The following REV3L variants were observed in gnomAD, a reference collection of about 807,000 sequenced individuals.
The protein encoded by REV3L is REV3 like, DNA directed polymerase zeta catalytic subunit.
Under a neutral mutation model 299.4 loss-of-function variants are expected in REV3L, and 69 were observed. The ratio of observed to expected loss-of-function variants is 0.23; its 90% CI spans 0.19 to 0.28. REV3L has a LOEUF of 0.28. Among genes scored for constraint, REV3L ranks in the 10% least tolerant of loss-of-function variants. The pLI is 1.00. For synonymous variants in REV3L, 1,238 were observed against 1,271.4 expected (o/e 0.97, Z 0.56); for missense variants, 3,128 against 3,693.8 (o/e 0.85, Z 3.97).
intron 24 of REV3L, chr6:111,330,337 G>A (rs1775252887): frequency 2.2e-6 from 1 of 449,136 alleles, no homozygotes; most frequent in Non-Finnish European, 4.5e-6. Context: ...GAATAGTGAG[G>A]TGATAAAATT....
chr6:111,367,672 G>A lies in REV3L; in HGVS notation c.6116C>T (p.Ser2039Phe), dbSNP rs928638526. 6.2e-7 allele frequency: 1 copy of A among 1,614,176 alleles called. No individual in the cohort carries two copies. The highest frequency in any genetic ancestry group is 1.1e-5 in the South Asian group (1 of 91,080). The change falls in exon 14 of 32, where the codon TCT (serine) becomes TTT (phenylalanine). Residue 2039 changes from serine to phenylalanine, a missense_variant. Ser to Phe is a radical substitution (Grantham distance 155). This residue lies in a region of REV3L where 2,409 missense variants were observed against 2,611.8 expected (regional missense o/e 0.92). Transcript: ENST00000368802. Reference protein sequence around the residue: ...GVVKSAENFSSSVNPDDKPVV... With the variant: ...GVVKSAENFSFSVNPDDKPVV... ...AGGTTTGTCATCTGGGTTAACTGAAGAGCTAAAGTTCTCAGCAGATTTTAC... is the reference window on the plus strand; with the variant it reads ...AGGTTTGTCATCTGGGTTAACTGAAAAGCTAAAGTTCTCAGCAGATTTTAC...
rs150440745 is a variant in REV3L, at chr6:111,316,632, C to T, written c.8352-1251G>A. Among the ~76,000 whole-genome samples the T allele has an allele frequency of 9.3e-5, 14 of 150,084 alleles. 1 individual carries two copies. Among genetic ancestry groups the T allele is most frequent in the African/African-American group, 3.4e-4 (14 of 40,582 alleles). ...AGTGAGCTGAGATTGCGCCATTGCACTCCAGTCTGGGTGACAGAGCAAGAC... is the reference window on the plus strand; with the variant it reads ...AGTGAGCTGAGATTGCGCCATTGCATTCCAGTCTGGGTGACAGAGCAAGAC... On this transcript the variant is annotated intron_variant, in intron 26 of 31. Transcript: ENST00000368802.
intron 19 of REV3L, among the ~76,000 whole-genome samples, chr6:111,350,699 CCTGAGTAG>C (rs1410305500): frequency 2.0e-5 from 3 of 151,766 alleles, no homozygotes; most frequent in South Asian, 4.2e-4. Flanking sequence ...ACCTCAGTCT[CCTGAGTAG>C]CTGGGACTAC....
Position 111,365,395 on chromosome 6 carries a change from T to C in REV3L, c.6674-51A>G, listed in dbSNP as rs187424654. ...CATGTATATCAAAATTACCTGCTTC[T>C]GGTTTTTAAAAAACCTTTTGTTGTT... On this transcript the variant is annotated intron_variant, in intron 14 of 31. Transcript: ENST00000368802. 67 of 1,111,854 alleles carry C rather than the reference T, an allele frequency of 6.0e-5. No individual in the cohort carries two copies. The Admixed American group carries it at 6.8e-4, about 11-fold the overall frequency. 68.9% of individuals were successfully genotyped at this position (1,111,854 alleles called of 1,614,324 possible).
intron 9 of REV3L, among the ~76,000 whole-genome samples, chr6:111,387,527 G>A (rs1231666121): frequency 6.6e-6 from 1 of 152,074 alleles, no homozygotes; most frequent in Non-Finnish European, 1.5e-5. Flanking sequence ...TGGTATATAT[G>A]GTGGGCAAAC....
At chr6:111,328,889 C>T (rs1775099041) in intron 25 of REV3L, among the ~76,000 whole-genome samples, 1 of 152,020 alleles carries the variant, frequency 6.6e-6, no homozygotes, top group Non-Finnish European at 1.5e-5. Context: ...TCTCAGCTTC[C>T]CAAGTAACTG....
intron 9 of REV3L, among the ~76,000 whole-genome samples, chr6:111,386,353 G>A (rs938151564): frequency 2.0e-5 from 3 of 152,216 alleles, no homozygotes; most frequent in Admixed American, 6.5e-5. Context: ...AAAGATGCTC[G>A]ACATCAGTAG....
intron 1 of REV3L, among the ~76,000 whole-genome samples, chr6:111,444,840 T>C (rs575144718): frequency 1.3e-5 from 2 of 152,324 alleles, no homozygotes; most frequent in East Asian, 3.9e-4. Context: ...TTTTTGTCAT[T>C]AGAAAAATTT....
At chr6:111,426,142 C>T (rs1313585791) in intron 1 of REV3L, among the ~76,000 whole-genome samples, 1 of 152,162 alleles carries the variant, frequency 6.6e-6, no homozygotes, top group Non-Finnish European at 1.5e-5. Context: ...GTGAGCAGTA[C>T]TATCGGACAG....
Position 111,456,009 on chromosome 6 carries a change from G to C in REV3L, c.139+26741C>G, listed in dbSNP as rs577405408. Among the ~76,000 whole-genome samples the C allele has an allele frequency of 8.5e-5, 13 of 152,290 alleles. No individual in the cohort carries two copies. In the East Asian group the frequency reaches 2.3e-3, roughly 27 times the overall value. ...TGCAGATCAAGTAGGGGAAATAGCT[G>C]ATATTCAGTAATGGTGCTGGGACAT... On this transcript the variant is annotated intron_variant, in intron 1 of 31. Coordinates refer to ENST00000368802, the MANE Select transcript of REV3L (RefSeq NM_001372078.1).
intron 1 of REV3L, among the ~76,000 whole-genome samples, chr6:111,448,152 A>T (rs1340813458): frequency 1.3e-5 from 2 of 152,178 alleles, no homozygotes; most frequent in Admixed American, 6.5e-5. Context: ...TGTTGAGTTA[A>T]GGCCACAGTT....
Position 111,374,666 on chromosome 6 carries a change from T to C in REV3L, c.3689A>G (p.Lys1230Arg). ...SRKHTTLKDE[K>R]IKSQSGAEVK... ...CTCAGCACCAGACTGAGATTTTATT[T>C]TTTCATCCTTAAGTGTTGTATGCTT... is the stretch of plus-strand genomic sequence containing the variant. Residue 1230 changes from lysine (K) to arginine (R), a missense_variant, in exon 13 of 32, where the codon AAA (lysine) becomes AGA (arginine). By Grantham distance (26) the Lys-to-Arg change is conservative. Coordinates refer to ENST00000368802, the MANE Select transcript of REV3L (RefSeq NM_001372078.1). 6.2e-7 allele frequency: 1 copy of C among 1,613,608 alleles called. No homozygotes were observed. The highest frequency in any genetic ancestry group is 8.5e-7 in the Non-Finnish European group (1 of 1,179,896).
At chr6:111,432,285 G>A (rs547829609) in intron 1 of REV3L, among the ~76,000 whole-genome samples, 1 of 152,272 alleles carries the variant, frequency 6.6e-6, no homozygotes, top group South Asian at 2.1e-4. Context: ...AGATAAAGAA[G>A]CAAGAGTTAA....
chr6:111,308,392 G>A, intron 30 of REV3L: 1 of 338,652 alleles, frequency 3.0e-6, no homozygotes, highest in Non-Finnish European at 5.9e-6. Flanking sequence ...GTAACATATA[G>A]GTGGGCAAGA....
chr6:111,299,941 A>T lies in REV3L; in HGVS notation c.*75T>A, dbSNP rs1771292310. ...GAACATCCTTGACTCGATGAAAGTT[A>T]AAAAGCACCATGCACAACAGTTTAG... On this transcript the variant is annotated 3_prime_UTR_variant, in exon 32 of 32. Transcript: ENST00000368802. The T allele has an allele frequency of 1.4e-6, 2 of 1,419,066 alleles. No individual in the cohort carries two copies. The highest frequency in any genetic ancestry group is 1.9e-6 in the Non-Finnish European group (2 of 1,050,984). 87.9% of individuals were successfully genotyped at this position (1,419,066 alleles called of 1,614,324 possible). A position where few individuals can be genotyped will look rare whatever the true frequency, so the allele number is the denominator to read the frequency against.
intron 25 of REV3L, 64 bp from the exon 26 acceptor site, chr6:111,322,742 A>T: frequency 9.0e-7 from 1 of 1,116,754 alleles, no homozygotes. Context: ...AACAGACTTT[A>T]ACATATAATA....
intron 1 of REV3L, among the ~76,000 whole-genome samples, chr6:111,477,388 T>G (rs895632911): frequency 2.6e-5 from 4 of 152,204 alleles, no homozygotes; most frequent in African/African-American, 7.2e-5. Context: ...CCAACACATA[T>G]GAAATTACAA....
At chr6:111,417,328 G>A (rs1784882055) in intron 1 of REV3L, among the ~76,000 whole-genome samples, 1 of 152,182 alleles carries the variant, frequency 6.6e-6, no homozygotes, top group Non-Finnish European at 1.5e-5. Flanking sequence ...AAAAGCAGAT[G>A]CACCATTGCT....
intron 1 of REV3L, among the ~76,000 whole-genome samples, chr6:111,438,329 T>C (rs972220673): frequency 7.2e-5 from 11 of 152,042 alleles, no homozygotes; most frequent in Non-Finnish European, 1.6e-4. Flanking sequence ...TACAGAAATA[T>C]AATCATTTGC....
Sources: gnomAD v4.1 joint callset for allele counts (sites outside exome capture counted in the v4.1 genomes callset) on GRCh38, gnomAD v4.1.1 for gene constraint, gnomAD v4.1.1 regional missense constraint, MANE v1.5 for transcripts, NCBI Gene and HGNC (gene_info 2026-07-23, HGNC 2026-07-21) for gene names.